Variants in MAST2 observed in about 807,000 individuals in gnomAD.
MAST2 encodes the protein microtubule associated serine/threonine kinase 2.
Under a neutral mutation model 147.4 loss-of-function variants are expected in MAST2, and 70 were observed. The observed-to-expected ratio is 0.47, with a 90% CI of 0.39 to 0.58. The LOEUF is 0.58. Ranked by LOEUF, MAST2 falls within the 20% of genes least tolerant of loss-of-function variation. The pLI is 0.00. For missense variants in MAST2, 2,080 were observed against 2,302.3 expected (o/e 0.90, Z 1.98); for synonymous variants, 869 against 896.8 (o/e 0.97, Z 0.55).
intron 4 of MAST2, among the ~76,000 whole-genome samples, chr1:45,900,930 T>A (rs1012690566): frequency 6.6e-6 from 1 of 152,194 alleles, no homozygotes; most frequent in East Asian, 1.9e-4. Flanking sequence ...TTGGCAGATA[T>A]TTTCTCCCAT....
intron 4 of MAST2, among the ~76,000 whole-genome samples, chr1:45,958,117 G>A (rs970477423): frequency 6.6e-6 from 1 of 152,132 alleles, no homozygotes; most frequent in Non-Finnish European, 1.5e-5. Flanking sequence ...TGGTGACTGA[G>A]GTAGTTAGGG....
chr1:45,882,247 A>C, intron 3 of MAST2, 117 bp from the exon 4 acceptor site: 1 of 596,434 alleles, frequency 1.7e-6, no homozygotes, highest in Non-Finnish European at 3.0e-6. Context: ...TGTTATTTAG[A>C]AATATGTGGC....
chr1:45,952,650 G>A (rs994178526), intron 4 of MAST2, among the ~76,000 whole-genome samples: 15 of 152,074 alleles, frequency 9.9e-5, no homozygotes, highest in African/African-American at 3.4e-4. Context: ...GCAATAACAG[G>A]AGCCATAAGA....
rs1395212606 is a variant in MAST2 at position 46,023,491 on chromosome 1, T to C, written c.1571+173T>C. ...TTCAGATTCCTCTGACATCCGATCA[T>C]TGTTCCTTTCCCAGACAAGATTCCC... On this transcript the variant is annotated intron_variant, in intron 14 of 28. Transcript: ENST00000361297. This position sits in a 1 kb window ranked among gnomAD's most constrained non-coding sequence, Gnocchi z 4.9. 2 of 648,344 alleles carry C rather than the reference T, an allele frequency of 3.1e-6. No individual in the cohort carries two copies. The highest frequency in any genetic ancestry group is 2.7e-5 in the East Asian group (1 of 36,852). The allele number at this position is 648,344 out of a possible 1,614,324, so 40.2% of individuals were successfully genotyped here. A position where few individuals can be genotyped will look rare whatever the true frequency, so the allele number is the denominator to read the frequency against.
chr1:46,011,405 T>C (rs910310640), intron 10 of MAST2, among the ~76,000 whole-genome samples: 1 of 152,198 alleles, frequency 6.6e-6, no homozygotes, highest in African/African-American at 2.4e-5. Flanking sequence ...AGTTCTCTAG[T>C]TGGGACTTAC....
chr1:46,022,493 C>T (rs2149292182), intron 12 of MAST2, among the ~76,000 whole-genome samples: 1 of 152,330 alleles, frequency 6.6e-6, no homozygotes, highest in East Asian at 1.9e-4. Context: ...TTCTGGGCTT[C>T]CTGCTGAACC....
rs978786115 is a variant in MAST2 at position 45,838,582 on chromosome 1, TA to T, written c.468+9010del. 9.2e-4 allele frequency among the ~76,000 whole-genome samples: 140 copies of T among 152,048 alleles called. 1 individual carries two copies. The highest frequency in any genetic ancestry group is 1.4e-3 in the Non-Finnish European group (94 of 67,976). ...TGTCTGTTCAAAACTTTTGTCTATT[TA>T]AAAAAAAATTTTTTTTGTCTTATTG... On this transcript the variant is annotated intron_variant, in intron 3 of 28. Coordinates refer to ENST00000361297, the MANE Select transcript of MAST2 (RefSeq NM_015112.3).
chr1:45,977,573 G>A (rs970846535), intron 5 of MAST2, among the ~76,000 whole-genome samples: 48 of 152,214 alleles, frequency 3.2e-4, no homozygotes, highest in African/African-American at 1.2e-3. Flanking sequence ...GCCGAGGCGG[G>A]CGGATCACAA....
intron 4 of MAST2, among the ~76,000 whole-genome samples, chr1:45,927,900 A>C (rs2148688272): frequency 6.6e-6 from 1 of 152,336 alleles, no homozygotes; most frequent in East Asian, 1.9e-4. Flanking sequence ...TGGGGAACTA[A>C]TAAATGTCCA....
At chr1:45,829,790 A>T (rs1570269300) in intron 3 of MAST2, among the ~76,000 whole-genome samples, 1 of 151,886 alleles carries the variant, frequency 6.6e-6, no homozygotes, top group Non-Finnish European at 1.5e-5. Flanking sequence ...TGGCTGTAGT[A>T]TTCCTATTGC....
rs372374723 is a variant in MAST2 at position 46,034,096 on chromosome 1, G to A, written c.3698G>A (p.Arg1233His). ...QESRKRSSLF[R>H]KITKQASLLH... The stretch of plus-strand genomic sequence containing the variant: ...AGCAGAAAAAGGAGCTCCCTGTTCC[G>A]CAAGATCACCAAGCAAGCATCCCTG... Residue 1233 changes from arginine (R) to histidine (H), a missense_variant, in exon 28 of 29, where the codon CGC becomes CAC. Coordinates refer to ENST00000361297, the MANE Select transcript of MAST2 (RefSeq NM_015112.3). 21 of 1,613,500 alleles carry A rather than the reference G, an allele frequency of 1.3e-5. No individual in the cohort carries two copies. Among genetic ancestry groups the A allele is most frequent in the African/African-American group, 2.7e-5 (2 of 74,894 alleles).
At chr1:45,809,517 C>G (rs2148632601) in intron 1 of MAST2, among the ~76,000 whole-genome samples, 2 of 152,242 alleles carry the variant, frequency 1.3e-5, no homozygotes, top group Middle Eastern at 6.8e-3. Flanking sequence ...GTGGTGCGCG[C>G]CTGTGGGCCC....
intron 4 of MAST2, among the ~76,000 whole-genome samples, chr1:45,915,596 G>C (rs970316161): frequency 1.3e-5 from 2 of 151,852 alleles, no homozygotes; most frequent in Non-Finnish European, 2.9e-5. Flanking sequence ...TGTAATCCCA[G>C]CTACTCGGGA....
At chr1:45,835,709 TCAC>T (rs1419283184) in intron 3 of MAST2, among the ~76,000 whole-genome samples, 2 of 152,112 alleles carry the variant, frequency 1.3e-5, no homozygotes, top group African/African-American at 2.4e-5. Flanking sequence ...TAAGACATGT[TCAC>T]CACCATCCCC....
intron 5 of MAST2, among the ~76,000 whole-genome samples, chr1:45,961,448 T>G (rs1660405264): frequency 6.6e-6 from 1 of 152,228 alleles, no homozygotes; most frequent in African/African-American, 2.4e-5. Context: ...ATCTCTCTAT[T>G]TAGATTCTCC....
intron 4 of MAST2, among the ~76,000 whole-genome samples, chr1:45,886,022 G>A (rs1368908005): frequency 6.6e-6 from 1 of 151,994 alleles, no homozygotes; most frequent in Non-Finnish European, 1.5e-5. Flanking sequence ...CGAGCACTTT[G>A]AGAGACTAAG....
intron 4 of MAST2, among the ~76,000 whole-genome samples, chr1:45,904,542 A>G (rs1362998553): frequency 6.6e-6 from 1 of 151,582 alleles, no homozygotes; most frequent in African/African-American, 2.4e-5. Flanking sequence ...ATCACAGCTC[A>G]CTGCAGCCTT....
intron 4 of MAST2, among the ~76,000 whole-genome samples, chr1:45,884,511 C>T (rs1449698884): frequency 6.6e-6 from 1 of 152,092 alleles, no homozygotes; most frequent in East Asian, 1.9e-4. Context: ...GAGATCATGC[C>T]ACTGCACTCC....
At chr1:45,959,508 T>A in intron 5 of MAST2, 31 bp downstream of exon 5, 1 of 1,584,346 alleles carries the variant, frequency 6.3e-7, no homozygotes, top group Non-Finnish European at 8.7e-7. Context: ...AAAGGTTGAA[T>A]GAAAGAGTGG....
Sources: gnomAD v4.1 joint callset for allele counts (sites outside exome capture counted in the v4.1 genomes callset) on GRCh38, gnomAD v4.1.1 for gene constraint, Gnocchi (gnomAD v3.1) non-coding constraint, MANE v1.5 for transcripts, NCBI Gene and HGNC (gene_info 2026-07-23, HGNC 2026-07-21) for gene names.